The following ITGB8 variants were observed in gnomAD, a reference collection of about 807,000 sequenced individuals.
The protein encoded by ITGB8 is integrin subunit beta 8.
ITGB8 carries 30 observed loss-of-function variants against 89.5 expected under a neutral mutation model. The ratio of observed to expected loss-of-function variants is 0.34; its 90% CI spans 0.25 to 0.45. ITGB8 has a LOEUF of 0.45. Ranked by LOEUF, ITGB8 falls within the 20% of genes least tolerant of loss-of-function variation. ITGB8 has a pLI of 1.00. For synonymous variants in ITGB8, 335 were observed against 320.4 expected (o/e 1.05, Z -0.49); for missense variants, 836 against 933.3 (o/e 0.90, Z 1.36).
chr7:20,345,324 A>T (rs1385965067), intron 1 of ITGB8, among the ~76,000 whole-genome samples: 1 of 152,182 alleles, frequency 6.6e-6, no homozygotes, highest in African/African-American at 2.4e-5. Context: ...GTATGAAAAC[A>T]TTAGGAAACT....
At position 20,413,518 on chromosome 7, in the gene ITGB8, T is replaced by C. The variant is rs1011220607; in HGVS notation, c.*3521T>C. The C allele has an allele frequency of 1.3e-5, 2 of 152,506 alleles. No individual in the cohort carries two copies. Among genetic ancestry groups the C allele is most frequent in the African/African-American group, 4.8e-5 (2 of 41,452 alleles). The allele number at this position is 152,506 out of a possible 1,614,324, so 9.4% of individuals were successfully genotyped here. ...GAGTAGATTAGACTCAAAGGCTTTT[T>C]CTTCCTTTTCTTACTCCTGTTTTTT... On this transcript the variant is annotated 3_prime_UTR_variant, in exon 14 of 14. Transcript: ENST00000222573.
At chr7:20,397,999 G>A (rs1210417859) in intron 8 of ITGB8, among the ~76,000 whole-genome samples, 1 of 150,452 alleles carries the variant, frequency 6.6e-6, no homozygotes, top group Non-Finnish European at 1.5e-5. Context: ...TTTTGCATGT[G>A]GTAGACTCTT....
rs918359278 is a variant in ITGB8, at chr7:20,405,933, T to G, written c.1914-129T>G. On this transcript the variant is annotated intron_variant, in intron 11 of 13. Transcript: ENST00000222573. ...CCTTCGATGTAATGATGGAGTTAGT[T>G]CTAATGAACATAATCAAAATTTGAA... is the stretch of plus-strand genomic sequence containing the variant. 10 of 607,740 alleles carry G rather than the reference T, an allele frequency of 1.6e-5. No individual in the cohort carries two copies. In the African/African-American group the frequency reaches 1.7e-4, roughly 10 times the overall value. The allele number at this position is 607,740 out of a possible 1,614,324, so 37.6% of individuals were successfully genotyped here. A position where few individuals can be genotyped will look rare whatever the true frequency, so the allele number is the denominator to read the frequency against.
Position 20,355,598 on chromosome 7 carries a change from T to C in ITGB8, c.128-8039T>C, listed in dbSNP as rs555717865. 2.1e-4 allele frequency among the ~76,000 whole-genome samples: 32 copies of C among 152,268 alleles called. No individual in the cohort carries two copies. In the East Asian group the frequency reaches 2.7e-3, roughly 13 times the overall value. On this transcript the variant is annotated intron_variant, in intron 1 of 13. Transcript: ENST00000222573. ...TGGTTTTCACTAAACATAAATACTATTGTAGGTTTTTCTAAGTGAAAGTAG... is the reference window on the plus strand; with the variant it reads ...TGGTTTTCACTAAACATAAATACTACTGTAGGTTTTTCTAAGTGAAAGTAG...
intron 1 of ITGB8, among the ~76,000 whole-genome samples, chr7:20,347,470 T>C (rs1420808773): frequency 6.6e-6 from 1 of 152,056 alleles, no homozygotes; most frequent in Non-Finnish European, 1.5e-5. Context: ...TCCATGGGAA[T>C]GGAAATAGGG....
chr7:20,336,092 G>A (rs1225925302), intron 1 of ITGB8, among the ~76,000 whole-genome samples: 5 of 134,470 alleles, frequency 3.7e-5, no homozygotes, highest in Middle Eastern at 9.5e-3. Flanking sequence ...TGCAAGCTTC[G>A]CCTCCTGGGT....
At position 20,414,046 on chromosome 7, in the gene ITGB8, A is replaced by G. The variant is rs1322802390; in HGVS notation, c.*4049A>G. ...ATTTATATTTCATTGATTCCAAGAC[A>G]TCACTTTTTCAATTTAACATCTCTG... On this transcript the variant is annotated 3_prime_UTR_variant, in exon 14 of 14. Coordinates refer to ENST00000222573, the MANE Select transcript of ITGB8 (RefSeq NM_002214.3). 6.6e-6 allele frequency: 1 copy of G among 152,110 alleles called. No individual in the cohort carries two copies. The highest frequency in any genetic ancestry group is 1.5e-5 in the Non-Finnish European group (1 of 67,994). 9.4% of individuals were successfully genotyped at this position (152,110 alleles called of 1,614,324 possible).
At chr7:20,400,212 T>G (rs1787251125) in intron 9 of ITGB8, among the ~76,000 whole-genome samples, 3 of 145,166 alleles carry the variant, frequency 2.1e-5, no homozygotes, top group Admixed American at 2.0e-4. Flanking sequence ...TTTTACATTG[T>G]TTTTTTTCTT....
chr7:20,390,945 A>G (rs1231535644), intron 6 of ITGB8, among the ~76,000 whole-genome samples: 4 of 152,060 alleles, frequency 2.6e-5, no homozygotes. Flanking sequence ...TATATATAGT[A>G]TATGTGGATG....
rs1787837711 is a variant in ITGB8, at chr7:20,413,606, T to G, written c.*3609T>G. The G allele has an allele frequency of 6.6e-6, 1 of 152,108 alleles. No individual in the cohort carries two copies. Among genetic ancestry groups the G allele is most frequent in the African/African-American group, 2.4e-5 (1 of 41,448 alleles). The allele number at this position is 152,108 out of a possible 1,614,324, so 9.4% of individuals were successfully genotyped here. ...GCTTAATAAGCCTAATAGTGAAAAATAACTGAATTTAATGGTATAATGAAG... is the reference window on the plus strand; with the variant it reads ...GCTTAATAAGCCTAATAGTGAAAAAGAACTGAATTTAATGGTATAATGAAG... On this transcript the variant is annotated 3_prime_UTR_variant, in exon 14 of 14. Coordinates refer to ENST00000222573, the MANE Select transcript of ITGB8 (RefSeq NM_002214.3).
chr7:20,359,172 AT>A (rs141528072), intron 1 of ITGB8, among the ~76,000 whole-genome samples: 35 of 149,578 alleles, frequency 2.3e-4, no homozygotes, highest in South Asian at 4.3e-4. Context: ...AAGGCAGTAC[AT>A]TTTTTTTTTA....
intron 6 of ITGB8, among the ~76,000 whole-genome samples, chr7:20,387,171 T>A (rs1786659403): frequency 6.6e-6 from 1 of 152,190 alleles, no homozygotes; most frequent in South Asian, 2.1e-4. Context: ...GTTAACAGCA[T>A]TCAACATTCC....
chr7:20,379,606 G>C (rs2127960009), intron 4 of ITGB8: 1 of 154,624 alleles, frequency 6.5e-6, no homozygotes, highest in South Asian at 2.1e-4. Context: ...AGGCTGCCAT[G>C]TATATAAATA....
chr7:20,377,630 C>T (rs1786208926), intron 3 of ITGB8, among the ~76,000 whole-genome samples: 2 of 152,212 alleles, frequency 1.3e-5, no homozygotes, highest in African/African-American at 4.8e-5. Context: ...AGGATATGCT[C>T]TCAGGAGGCA....
intron 6 of ITGB8, among the ~76,000 whole-genome samples, chr7:20,385,923 G>A (rs948260998): frequency 6.6e-6 from 1 of 152,202 alleles, no homozygotes; most frequent in Non-Finnish European, 1.5e-5. Context: ...AGAATTCCAT[G>A]TGAGGAGATA....
intron 9 of ITGB8, among the ~76,000 whole-genome samples, chr7:20,399,425 T>C (rs1787216192): frequency 6.6e-6 from 1 of 152,148 alleles, no homozygotes; most frequent in Non-Finnish European, 1.5e-5. Context: ...ATGGGAATGA[T>C]AGAACAGTTG....
intron 7 of ITGB8, among the ~76,000 whole-genome samples, chr7:20,393,936 C>G (rs1255676265): frequency 6.6e-6 from 1 of 152,158 alleles, no homozygotes; most frequent in Non-Finnish European, 1.5e-5. Context: ...TTCACATGTA[C>G]AGTGTTTAGT....
chr7:20,404,629 G>T lies in ITGB8; in HGVS notation c.1689G>T (p.Gly563=), dbSNP rs145246655. The change falls in exon 11 of 14, where the codon GGG becomes GGT. Residue 563 remains glycine, a splice_region_variant and synonymous_variant. Transcript: ENST00000222573. The part of the protein sequence containing the change: ...CPYHHGNLCA[G]HGECEAGRCQ... ...GGTCCTGCGGTGTCTTCCTCACAGG[G>T]CATGGAGAGTGTGAAGCAGGCAGAT... The T allele has an allele frequency of 4.2e-5, 67 of 1,613,006 alleles. No homozygotes were observed. The East Asian group carries it at 1.2e-3, about 29-fold the overall frequency.
chr7:20,385,030 A>T (rs1305874283), intron 6 of ITGB8, among the ~76,000 whole-genome samples: 1 of 152,220 alleles, frequency 6.6e-6, no homozygotes, highest in Non-Finnish European at 1.5e-5. Context: ...TTAATACAAA[A>T]ATTATTAATG....
Sources: gnomAD v4.1 joint callset for allele counts (sites outside exome capture counted in the v4.1 genomes callset) on GRCh38, gnomAD v4.1.1 for gene constraint, MANE v1.5 for transcripts, NCBI Gene and HGNC (gene_info 2026-07-23, HGNC 2026-07-21) for gene names.